The following ITFG2 variants were observed in gnomAD, a reference collection of about 807,000 sequenced individuals.
ITFG2 encodes the protein KICSTOR complex protein ITFG2.
In ITFG2, 36 loss-of-function variants were observed where a neutral mutation model predicts 54.4. The ratio of observed to expected loss-of-function variants is 0.66; its 90% CI spans 0.51 to 0.87. The LOEUF is 0.87. Ranked by LOEUF, ITFG2 falls within the 40% of genes least tolerant of loss-of-function variation. The pLI is 0.00. For synonymous variants in ITFG2, 211 were observed against 225.4 expected (o/e 0.94, Z 0.57); for missense variants, 524 against 576.7 (o/e 0.91, Z 0.94).
In ITFG2 at chr12:2,824,982, T is replaced by C. The variant is rs2097959513; in HGVS notation, c.*789T>C. 2 of 152,268 alleles carry C rather than the reference T, an allele frequency of 1.3e-5. No homozygotes were observed. The allele number at this position is 152,268 out of a possible 1,614,324, so 9.4% of individuals were successfully genotyped here. The stretch of plus-strand genomic sequence containing the variant: ...TGATTCTCTATGCTCTAAATCGGTG[T>C]TTTTCAAACTGTGGTTGCAGTCCTT... On this transcript the variant is annotated 3_prime_UTR_variant, in exon 12 of 12. Coordinates refer to ENST00000228799, the MANE Select transcript of ITFG2 (RefSeq NM_018463.4).
Position 2,822,961 on chromosome 12 carries a change from G to C in ITFG2, c.1066+50G>C, listed in dbSNP as rs1002082434. The C allele has an allele frequency of 5.1e-6, 7 of 1,379,722 alleles. No homozygotes were observed. The Admixed American group carries it at 6.8e-5, about 13-fold the overall frequency. 85.5% of individuals were successfully genotyped at this position (1,379,722 alleles called of 1,614,324 possible). A position where few individuals can be genotyped will look rare whatever the true frequency, so the allele number is the denominator to read the frequency against. Reference sequence around the variant, plus strand: ...TTCTAACCACACTTAAGTTAGATAGGCGTGTTAGGCATGCCAGGGAAGTGT... The same window carrying C: ...TTCTAACCACACTTAAGTTAGATAGCCGTGTTAGGCATGCCAGGGAAGTGT... On this transcript the variant is annotated intron_variant, in intron 10 of 11. Coordinates refer to ENST00000228799, the MANE Select transcript of ITFG2 (RefSeq NM_018463.4).
chr12:2,817,939 A>G lies in ITFG2; in HGVS notation c.223A>G (p.Asn75Asp). Residue 75 changes from asparagine to aspartate, a missense_variant, in exon 3 of 12, where the codon AAT (asparagine) becomes GAT (aspartate). Transcript: ENST00000228799. ...TTGCGTTGGGGTTGGAGACGTGTGT[A>G]ATAAAGGAAAGGTAAGAACTATAGG... The part of the protein sequence containing the change: ...LTCVGVGDVC[N>D]KGKNLLVAVS... The G allele has an allele frequency of 6.2e-7, 1 of 1,613,888 alleles. No individual in the cohort carries two copies. Among genetic ancestry groups the G allele is most frequent in the Admixed American group, 1.7e-5 (1 of 59,940 alleles).
chr12:2,812,714 G>A lies in ITFG2; in HGVS notation c.-47G>A. On this transcript the variant is annotated 5_prime_UTR_variant, in exon 1 of 12. Coordinates refer to ENST00000228799, the MANE Select transcript of ITFG2 (RefSeq NM_018463.4). ...TGGCGGCTGTCGCGACGGGGGTTCA[G>A]GGAATATTTACTGGGCCTCTCCGCT... 6.5e-7 allele frequency: 1 copy of A among 1,538,136 alleles called. No homozygotes were observed. Among genetic ancestry groups the A allele is most frequent in the South Asian group, 1.1e-5 (1 of 89,252 alleles).
At chr12:2,835,401 G>T, upstream of ITFG2, 1 of 199,066 alleles carries the variant, frequency 5.0e-6, no homozygotes, top group Non-Finnish European at 9.3e-6. Flanking sequence ...TGCAGCCCAG[G>T]GCTGGCGCGC....
chr12:2,819,946 G>T (rs1450667472), intron 4 of ITFG2, 140 bp from the exon 5 acceptor site: 1 of 1,069,662 alleles, frequency 9.3e-7, no homozygotes, highest in South Asian at 1.9e-5. Context: ...CACAGGCAGG[G>T]GCGGGGGCAG....
downstream of ITFG2, chr12:2,825,495 C>T (rs932236778): frequency 8.5e-5 from 13 of 152,548 alleles, no homozygotes; most frequent in African/African-American, 3.1e-4. Context: ...TGGAGCAAGG[C>T]AGTGAGGGCG....
chr12:2,829,618 T>G (rs116608509), downstream of ITFG2, among the ~76,000 whole-genome samples: 849 of 150,972 alleles, frequency 5.6e-3, 11 homozygotes, highest in African/African-American at 0.02. Flanking sequence ...AAAAAAAGAA[T>G]TAGCCAGCTG....
At chr12:2,821,438 C>T in intron 7 of ITFG2, 79 bp downstream of exon 7, 2 of 1,547,292 alleles carry the variant, frequency 1.3e-6, no homozygotes, top group South Asian at 2.3e-5. Flanking sequence ...ATAGCTTTCC[C>T]CTCATTTCGA....
chr12:2,816,590 A>G (rs1467416115), intron 1 of ITFG2, among the ~76,000 whole-genome samples: 2 of 151,402 alleles, frequency 1.3e-5, no homozygotes, highest in African/African-American at 4.9e-5. Flanking sequence ...TGGCCTTCCA[A>G]AATGCTGGGA....
intron 1 of ITFG2, among the ~76,000 whole-genome samples, chr12:2,816,356 G>C (rs145209884): frequency 7.4e-6 from 1 of 135,790 alleles, no homozygotes; most frequent in South Asian, 2.5e-4. Context: ...TTGAGACAGA[G>C]TCTCGCTCTG....
chr12:2,834,626 AG>A, upstream of ITFG2: 1 of 1,557,562 alleles, frequency 6.4e-7, no homozygotes, highest in Non-Finnish European at 8.7e-7. Context: ...CTGGCAGGGG[AG>A]GGGTGATGCC....
At chr12:2,854,945 G>T in intron 2 of ITFG2, 1 of 1,536,148 alleles carries the variant, frequency 6.5e-7, no homozygotes, top group Non-Finnish European at 8.7e-7. Flanking sequence ...TCGAGTGGGG[G>T]TGCTCTTGCC....
At chr12:2,838,423 G>A (rs114677594) in intron 1 of ITFG2, among the ~76,000 whole-genome samples, 142 of 152,238 alleles carry the variant, frequency 9.3e-4, no homozygotes, top group African/African-American at 3.4e-3. Flanking sequence ...AACATGGATG[G>A]GCTGTCCCAG....
At chr12:2,847,484 G>A (rs989659540) in intron 2 of ITFG2, among the ~76,000 whole-genome samples, 4 of 152,050 alleles carry the variant, frequency 2.6e-5, no homozygotes, top group Non-Finnish European at 4.4e-5. Context: ...TGGCCAACAC[G>A]GTGAAACCCC....
chr12:2,823,451 C>T (rs1298382782), intron 10 of ITFG2, among the ~76,000 whole-genome samples: 5 of 152,214 alleles, frequency 3.3e-5, no homozygotes, highest in South Asian at 2.1e-4. Flanking sequence ...TTGCTAGTCT[C>T]GCCCTTGGGC....
chr12:2,837,797 C>G (rs1705954937), intron 1 of ITFG2, among the ~76,000 whole-genome samples: 1 of 152,198 alleles, frequency 6.6e-6, no homozygotes. Context: ...CCACTGAACT[C>G]CAACCTGGGT....
exon 4 of ITFG2, chr12:2,859,650 T>C: frequency 6.2e-7 from 1 of 1,606,742 alleles, no homozygotes; most frequent in Non-Finnish European, 8.5e-7. Context: ...TATCCCCTCC[T>C]CAGCTAGCAG....
intron 2 of ITFG2, among the ~76,000 whole-genome samples, chr12:2,844,239 G>GA (rs2098048154): frequency 6.6e-6 from 1 of 151,914 alleles, no homozygotes; most frequent in Non-Finnish European, 1.5e-5. Context: ...GCGTGGGTGA[G>GA]AGTGAGACCC....
chr12:2,854,715 C>T (rs1303967584), intron 2 of ITFG2, among the ~76,000 whole-genome samples: 1 of 152,166 alleles, frequency 6.6e-6, no homozygotes, highest in Non-Finnish European at 1.5e-5. Flanking sequence ...TCCCTGCCTC[C>T]ACTCGCTGTT....
Sources: gnomAD v4.1 joint callset for allele counts (sites outside exome capture counted in the v4.1 genomes callset) on GRCh38, gnomAD v4.1.1 for gene constraint, MANE v1.5 for transcripts, NCBI Gene and HGNC (gene_info 2026-07-23, HGNC 2026-07-21) for gene names.